RTN1: variants seen among roughly 807,000 people sequenced by gnomAD.
RTN1 encodes the protein reticulon-1.
RTN1 carries 25 observed loss-of-function variants against 65.5 expected under a neutral mutation model. That is an observed-to-expected ratio of 0.38 (90% CI 0.28 to 0.53). The LOEUF is 0.53. RTN1 is among the 20% of genes least tolerant of loss of function. The pLI is 0.79. For missense variants in RTN1, 983 were observed against 1,025.4 expected (o/e 0.96, Z 0.57); for synonymous variants, 471 against 447.6 (o/e 1.05, Z -0.66).
At chr14:59,656,296 T>A (rs1229456778) in intron 3 of RTN1, among the ~76,000 whole-genome samples, 1 of 152,204 alleles carries the variant, frequency 6.6e-6, no homozygotes, top group African/African-American at 2.4e-5. Flanking sequence ...CATAACTGCA[T>A]AACTTTGTGA....
chr14:59,866,015 G>A (rs1324167106), intron 1 of RTN1, among the ~76,000 whole-genome samples: 1 of 152,110 alleles, frequency 6.6e-6, no homozygotes, highest in African/African-American at 2.4e-5. Flanking sequence ...CTTATCCTGT[G>A]TTGATCTCAG....
rs982003354 is a variant in RTN1 at position 59,716,320 on chromosome 14, C to A, written c.1765+10599G>T. ...ACCCATGAGAAATAATCTAGAACAA[C>A]AAACTGTACCTCAACCCTTGACTTC... On this transcript the variant is annotated intron_variant, in intron 3 of 8. Coordinates refer to ENST00000267484, the MANE Select transcript of RTN1 (RefSeq NM_021136.3). 2.0e-5 allele frequency among the ~76,000 whole-genome samples: 3 copies of A among 152,146 alleles called. No individual in the cohort carries two copies. The East Asian group carries it at 5.8e-4, about 29-fold the overall frequency.
intron 1 of RTN1, among the ~76,000 whole-genome samples, chr14:59,747,364 C>T (rs1217959855): frequency 6.6e-6 from 1 of 152,222 alleles, no homozygotes; most frequent in East Asian, 1.9e-4. Flanking sequence ...AATTCCAGCA[C>T]TTTGGGAGGC....
intron 1 of RTN1, among the ~76,000 whole-genome samples, chr14:59,752,289 G>T (rs2139530624): frequency 6.6e-6 from 1 of 152,222 alleles, no homozygotes; most frequent in East Asian, 1.9e-4. Flanking sequence ...TTAGTGTCTG[G>T]TGAGGGCCCA....
chr14:59,729,621 A>G (rs1485564896), intron 2 of RTN1, among the ~76,000 whole-genome samples: 2 of 152,188 alleles, frequency 1.3e-5, no homozygotes, highest in African/African-American at 4.8e-5. Context: ...GGTGTAAATT[A>G]AGAAATATTC....
intron 3 of RTN1, among the ~76,000 whole-genome samples, chr14:59,635,890 G>T (rs901367323): frequency 6.6e-6 from 1 of 152,036 alleles, no homozygotes; most frequent in Non-Finnish European, 1.5e-5. Context: ...TGTTAATAAT[G>T]AATCTACCTT....
intron 3 of RTN1, among the ~76,000 whole-genome samples, chr14:59,628,303 G>C (rs551623079): frequency 6.6e-6 from 1 of 152,116 alleles, no homozygotes; most frequent in Non-Finnish European, 1.5e-5. Flanking sequence ...GGCATCCTTC[G>C]TGGTTTTTAA....
At chr14:59,650,467 T>C (rs1034125227) in intron 3 of RTN1, among the ~76,000 whole-genome samples, 3 of 152,226 alleles carry the variant, frequency 2.0e-5, no homozygotes, top group African/African-American at 7.2e-5. Context: ...AGTCAAACTA[T>C]TTTTTGTTTG....
chr14:59,692,714 A>G (rs1279991594), intron 3 of RTN1, among the ~76,000 whole-genome samples: 1 of 152,232 alleles, frequency 6.6e-6, no homozygotes, highest in Non-Finnish European at 1.5e-5. Context: ...AAAAATAGAC[A>G]TATATAACAA....
intron 3 of RTN1, among the ~76,000 whole-genome samples, chr14:59,614,769 A>G (rs1882056225): frequency 6.6e-6 from 1 of 152,142 alleles, no homozygotes; most frequent in South Asian, 2.1e-4. Context: ...TCAGATCTTC[A>G]TTTCTGTCCG....
intron 1 of RTN1, among the ~76,000 whole-genome samples, chr14:59,753,405 T>G (rs1008480324): frequency 2.6e-5 from 4 of 152,188 alleles, no homozygotes; most frequent in Admixed American, 2.6e-4. Context: ...CATTTTATTT[T>G]TAAAACTTTT....
intron 1 of RTN1, among the ~76,000 whole-genome samples, chr14:59,793,770 G>T (rs192120461): frequency 6.6e-6 from 1 of 151,480 alleles, no homozygotes; most frequent in African/African-American, 2.4e-5. Context: ...ACTCACTATT[G>T]TGCTACTATC....
At chr14:59,754,222 T>G (rs1885588045) in intron 1 of RTN1, among the ~76,000 whole-genome samples, 1 of 152,190 alleles carries the variant, frequency 6.6e-6, no homozygotes, top group Admixed American at 6.6e-5. Context: ...AAGTGAAGCT[T>G]TTTAATCTAC....
At chr14:59,635,270 C>T (rs72716138) in intron 3 of RTN1, among the ~76,000 whole-genome samples, 8,548 of 152,152 alleles carry the variant, frequency 0.056, 340 homozygotes, top group Non-Finnish European at 0.082. Flanking sequence ...AAGTAGCAAA[C>T]GAATGTAATC....
chr14:59,755,081 T>G (rs1262094060), intron 1 of RTN1, among the ~76,000 whole-genome samples: 1 of 152,134 alleles, frequency 6.6e-6, no homozygotes, highest in African/African-American at 2.4e-5. Context: ...CTCGCTAGGG[T>G]TGAGATAAGG....
chr14:59,761,694 TTTA>T lies in RTN1; in HGVS notation c.242-15216_242-15214del, dbSNP rs1249858066. On this transcript the variant is annotated intron_variant, in intron 1 of 8. Transcript: ENST00000267484. ...GTTGGAATTTCTCAACAGAATCTGT[TTTA>T]TTAAGGGAAATTTATGGCCACACAG... Among the ~76,000 whole-genome samples the T allele has an allele frequency of 2.6e-5, 4 of 152,114 alleles. No homozygotes were observed. In the South Asian group the frequency reaches 8.3e-4, roughly 32 times the overall value.
chr14:59,839,987 C>CT (rs35340546), intron 1 of RTN1, among the ~76,000 whole-genome samples: 1 of 151,546 alleles, frequency 6.6e-6, no homozygotes, highest in South Asian at 2.1e-4. Flanking sequence ...CCATCTTTTC[C>CT]TTTTTTTTCC....
chr14:59,667,802 C>A (rs1005076008), intron 3 of RTN1, among the ~76,000 whole-genome samples: 36 of 152,124 alleles, frequency 2.4e-4, no homozygotes, highest in African/African-American at 5.1e-4. Context: ...CACAAGCATT[C>A]CTCTACACCA....
At chr14:59,694,083 C>T (rs143576196) in intron 3 of RTN1, among the ~76,000 whole-genome samples, 1 of 152,322 alleles carries the variant, frequency 6.6e-6, no homozygotes, top group East Asian at 1.9e-4. Context: ...TGAAATCTTA[C>T]TTTAATGCTA....
Sources: allele counts gnomAD v4.1 joint callset (sites outside exome capture counted in the v4.1 genomes callset), GRCh38; gene constraint gnomAD v4.1.1; transcripts MANE v1.5; gene names NCBI Gene and HGNC (gene_info 2026-07-23, HGNC 2026-07-21).